The following ST3GAL4 variants were observed in gnomAD, a reference collection of about 807,000 sequenced individuals.
ST3GAL4 encodes the protein ST3 beta-galactoside alpha-2,3-sialyltransferase 4, also known as CMP-N-acetylneuraminate-beta-galactosamide-alpha-2,3-sialyltransferase 4.
In ST3GAL4, 24 loss-of-function variants were observed where a neutral mutation model predicts 42.6. That is an observed-to-expected ratio of 0.56 (90% CI 0.41 to 0.79). The LOEUF is 0.79. Ranked by LOEUF, ST3GAL4 falls within the 30% of genes least tolerant of loss-of-function variation. The pLI is 0.00. For synonymous variants in ST3GAL4, 135 were observed against 163.2 expected, an observed-to-expected ratio of 0.83 and a Z score of 1.32; for missense variants, 311 against 430.8, an observed-to-expected ratio of 0.72 and a Z score of 2.46.
At chr11:126,374,002 G>A (rs1188251053) in intron 1 of ST3GAL4, among the ~76,000 whole-genome samples, 10 of 152,166 alleles carry the variant, frequency 6.6e-5, no homozygotes, top group East Asian at 1.9e-4. Flanking sequence ...AATTCAACAC[G>A]TTTGTATTGA....
chr11:126,358,761 G>A (rs141985490), intron 1 of ST3GAL4, among the ~76,000 whole-genome samples: 1 of 152,168 alleles, frequency 6.6e-6, no homozygotes, highest in Non-Finnish European at 1.5e-5. Context: ...GGGACCTACA[G>A]CCTGGCCACA....
chr11:126,403,528 G>A, intron 1 of ST3GAL4: 1 of 840,252 alleles, frequency 1.2e-6, no homozygotes, highest in Non-Finnish European at 1.4e-6. Context: ...TTCATGCCTG[G>A]GCCCCACCCC....
intron 1 of ST3GAL4, chr11:126,356,104 A>C (rs1382704686): frequency 6.6e-6 from 1 of 152,228 alleles, no homozygotes; most frequent in South Asian, 2.1e-4. Context: ...AGTTCTGCGG[A>C]AAGTTTCCGC....
intron 5 of ST3GAL4, 48 bp downstream of exon 5, chr11:126,407,397 G>A (rs763856091): frequency 6.3e-6 from 10 of 1,595,340 alleles, no homozygotes; most frequent in Middle Eastern, 1.7e-4. Flanking sequence ...CCCTGACCAC[G>A]TTGCTTCCTA....
chr11:126,390,732 G>T (rs1253565137), intron 1 of ST3GAL4, among the ~76,000 whole-genome samples: 1 of 151,334 alleles, frequency 6.6e-6, no homozygotes, highest in East Asian at 1.9e-4. Flanking sequence ...TAGTGCAGTG[G>T]CATTAAGCAC....
At chr11:126,365,616 G>A (rs1177681982) in intron 1 of ST3GAL4, among the ~76,000 whole-genome samples, 1 of 152,198 alleles carries the variant, frequency 6.6e-6, no homozygotes, top group South Asian at 2.1e-4. Flanking sequence ...CTGACAGGCC[G>A]GTATCTGTCC....
At chr11:126,372,418 CTTT>C (rs576229954) in intron 1 of ST3GAL4, among the ~76,000 whole-genome samples, 1 of 143,306 alleles carries the variant, frequency 7.0e-6, no homozygotes. Context: ...CTTTTCTTTT[CTTT>C]TTTTTTTTTT....
chr11:126,390,618 C>CTTTTTTTTTTTTTTTTTTTTT (rs58153137), intron 1 of ST3GAL4, among the ~76,000 whole-genome samples: 18 of 126,656 alleles, frequency 1.4e-4, no homozygotes, highest in East Asian at 4.5e-4. Context: ...GTGTTCTTTG[C>CTTTTTTTTTTTTTTTTTTTTT]TTTTTTTTTT....
rs544799829 is a variant in ST3GAL4 at position 126,373,176 on chromosome 11, G to C, written c.-61+17334G>C. Among the ~76,000 whole-genome samples, 1 of 152,322 alleles carries C rather than the reference G, an allele frequency of 6.6e-6. No individual in the cohort carries two copies. The highest frequency in any genetic ancestry group is 1.9e-4 in the East Asian group (1 of 5,186). On this transcript the variant is annotated intron_variant, in intron 1 of 10. Coordinates refer to ENST00000444328, the MANE Select transcript of ST3GAL4 (RefSeq NM_001254757.2). The surrounding 1 kb of genome is among the most constrained non-coding windows in gnomAD (Gnocchi z 5.5). ...GTTCTGGAGAGGGGGTGCTGCTCTG[G>C]AGAGGCGGTGCTGCTTTGGAGATGG...
intron 1 of ST3GAL4, among the ~76,000 whole-genome samples, chr11:126,394,837 G>T (rs1045863085): frequency 3.4e-5 from 5 of 145,224 alleles, no homozygotes; most frequent in South Asian, 2.4e-4. Flanking sequence ...GGATGGTGGG[G>T]GGTGGGTGGG....
rs1428510234 is a variant in ST3GAL4, at chr11:126,373,019, G to A, written c.-61+17177G>A. Among the ~76,000 whole-genome samples, 1 of 152,120 alleles carries A rather than the reference G, an allele frequency of 6.6e-6. No homozygotes were observed. The highest frequency in any genetic ancestry group is 6.5e-5 in the Admixed American group (1 of 15,272). On this transcript the variant is annotated intron_variant, in intron 1 of 10. Transcript: ENST00000444328. This position sits in a 1 kb window ranked among gnomAD's most constrained non-coding sequence, Gnocchi z 5.5. ...TCCATGTTTTTTCTCATTGTTTCGT[G>A]GGAATACTGATATTATATATTCAAG... is the stretch of plus-strand genomic sequence containing the variant.
At chr11:126,358,908 A>T (rs184212569) in intron 1 of ST3GAL4, among the ~76,000 whole-genome samples, 16 of 152,286 alleles carry the variant, frequency 1.1e-4, no homozygotes, top group African/African-American at 3.8e-4. Context: ...GGCTGAAGTG[A>T]GGTGTGGGTC....
Position 126,392,705 on chromosome 11 carries a change from C to G in ST3GAL4, c.-60-13391C>G, listed in dbSNP as rs1953563706. 6.6e-6 allele frequency among the ~76,000 whole-genome samples: 1 copy of G among 152,200 alleles called. No homozygotes were observed. Among genetic ancestry groups the G allele is most frequent in the African/African-American group, 2.4e-5 (1 of 41,428 alleles). On this transcript the variant is annotated intron_variant, in intron 1 of 10. Coordinates refer to ENST00000444328, the MANE Select transcript of ST3GAL4 (RefSeq NM_001254757.2). This position sits in a 1 kb window ranked among gnomAD's most constrained non-coding sequence, Gnocchi z 5.8. ...AGATACTATGGGACATAAGAAGTCC[C>G]TGCTTGCTGGGAGTGCGTGGTCTAA...
chr11:126,397,091 G>C lies in ST3GAL4; in HGVS notation c.-60-9005G>C, dbSNP rs1953808984. Among the ~76,000 whole-genome samples, 2 of 152,090 alleles carry C rather than the reference G, an allele frequency of 1.3e-5. No homozygotes were observed. The highest frequency in any genetic ancestry group is 4.1e-4 in the South Asian group (2 of 4,832). Reference sequence around the variant, plus strand: ...GGCCCCTCCAAGTCAGTGGTGCAGAGATTGAGAGATCCTGGTTTCGCGTTT... The same window carrying C: ...GGCCCCTCCAAGTCAGTGGTGCAGACATTGAGAGATCCTGGTTTCGCGTTT... On this transcript the variant is annotated intron_variant, in intron 1 of 10. Transcript: ENST00000444328. This position sits in a 1 kb window ranked among gnomAD's most constrained non-coding sequence, Gnocchi z 5.0.
chr11:126,359,463 G>T lies in ST3GAL4; in HGVS notation c.-61+3621G>T, dbSNP rs1338791642. Among the ~76,000 whole-genome samples, 1 of 152,172 alleles carries T rather than the reference G, an allele frequency of 6.6e-6. No homozygotes were observed. Among genetic ancestry groups the T allele is most frequent in the East Asian group, 1.9e-4 (1 of 5,194 alleles). On this transcript the variant is annotated intron_variant, in intron 1 of 10. Coordinates refer to ENST00000444328, the MANE Select transcript of ST3GAL4 (RefSeq NM_001254757.2). The surrounding 1 kb of genome is among the most constrained non-coding windows in gnomAD (Gnocchi z 4.8). ...GCAGCTGAGCTAGGACTCAAATCCA[G>T]GCTTGCTTCCAAAACCTTCACTTTT... is the stretch of plus-strand genomic sequence containing the variant.
In ST3GAL4 at chr11:126,409,192, T is replaced by G. The variant is rs906270925; in HGVS notation, c.628-76T>G. 5.1e-6 allele frequency: 8 copies of G among 1,579,764 alleles called. No homozygotes were observed. Among genetic ancestry groups the G allele is most frequent in the Non-Finnish European group, 6.9e-6 (8 of 1,156,340 alleles). Reference sequence around the variant, plus strand: ...CATCGCTTGGACCCCCTCGCCTCGCTGAGGACCACTGGGTTGGATTTGAGA... The same window carrying G: ...CATCGCTTGGACCCCCTCGCCTCGCGGAGGACCACTGGGTTGGATTTGAGA... On this transcript the variant is annotated intron_variant, in intron 8 of 10. Coordinates refer to ENST00000444328, the MANE Select transcript of ST3GAL4 (RefSeq NM_001254757.2). This position sits in a 1 kb window ranked among gnomAD's most constrained non-coding sequence, Gnocchi z 4.9.
In ST3GAL4 at chr11:126,359,434, G is replaced by A. The variant is rs1007051455; in HGVS notation, c.-61+3592G>A. Among the ~76,000 whole-genome samples, 6 of 152,158 alleles carry A rather than the reference G, an allele frequency of 3.9e-5. No individual in the cohort carries two copies. Among genetic ancestry groups the A allele is most frequent in the African/African-American group, 1.2e-4 (5 of 41,428 alleles). ...TTACTTGGCCAAGGTCATACAGCTC[G>A]TAAGCAGCTGAGCTAGGACTCAAAT... is the stretch of plus-strand genomic sequence containing the variant. On this transcript the variant is annotated intron_variant, in intron 1 of 10. Transcript: ENST00000444328. The surrounding 1 kb of genome is among the most constrained non-coding windows in gnomAD (Gnocchi z 4.8).
At chr11:126,382,693 A>G (rs1015820041) in intron 1 of ST3GAL4, among the ~76,000 whole-genome samples, 1 of 152,056 alleles carries the variant, frequency 6.6e-6, no homozygotes, top group African/African-American at 2.4e-5. Flanking sequence ...GGGGTATTCC[A>G]TGGGACCCTG....
intron 1 of ST3GAL4, among the ~76,000 whole-genome samples, chr11:126,364,200 CTG>C (rs1952351343): frequency 6.6e-6 from 1 of 152,112 alleles, no homozygotes; most frequent in East Asian, 1.9e-4. Flanking sequence ...AAAGCTCCCT[CTG>C]TGTGTTCCCA....
Sources: allele counts gnomAD v4.1 joint callset (sites outside exome capture counted in the v4.1 genomes callset), GRCh38; gene constraint gnomAD v4.1.1; non-coding constraint Gnocchi (gnomAD v3.1); transcripts MANE v1.5; gene names NCBI Gene and HGNC (gene_info 2026-07-23, HGNC 2026-07-21).